The following TENM2 variants were observed in gnomAD, a reference collection of about 807,000 sequenced individuals.
TENM2 encodes teneurin-2.
In TENM2, 52 loss-of-function variants were observed where a neutral mutation model predicts 245.2. The observed-to-expected ratio is 0.21, with a 90% confidence interval of 0.17 to 0.27. The LOEUF is 0.27. Among genes scored for constraint, TENM2 ranks in the 10% least tolerant of loss-of-function variants. The pLI is 1.00. For missense variants in TENM2, 3,046 were observed against 3,666.8 expected, an observed-to-expected ratio of 0.83 and a Z score of 4.37; for synonymous variants, 1,363 against 1,438.9, an observed-to-expected ratio of 0.95 and a Z score of 1.19.
intron 7 of TENM2, among the ~76,000 whole-genome samples, chr5:168,074,082 T>C (rs914120687): frequency 6.6e-6 from 1 of 152,188 alleles, no homozygotes; most frequent in African/African-American, 2.4e-5. Flanking sequence ...GGGAATCCCA[T>C]TCTGAAACAG....
chr5:168,158,994 A>G (rs1420138127), intron 12 of TENM2, among the ~76,000 whole-genome samples: 1 of 149,782 alleles, frequency 6.7e-6, no homozygotes, highest in Non-Finnish European at 1.5e-5. Flanking sequence ...CACAAAAAAA[A>G]TCAGCTAGAT....
intron 12 of TENM2, among the ~76,000 whole-genome samples, chr5:168,148,454 G>A (rs370121980): frequency 6.6e-6 from 1 of 152,156 alleles, no homozygotes; most frequent in African/African-American, 2.4e-5. Context: ...CAGAACTACT[G>A]CAAAATTTGT....
intron 3 of TENM2, among the ~76,000 whole-genome samples, chr5:167,889,219 C>T (rs1013214800): frequency 2.6e-5 from 4 of 152,120 alleles, no homozygotes; most frequent in Admixed American, 1.3e-4. Context: ...CGACTTCCCA[C>T]CCCTCACCCT....
chr5:167,491,985 A>G (rs1378742174), intron 2 of TENM2, among the ~76,000 whole-genome samples: 1 of 152,188 alleles, frequency 6.6e-6, no homozygotes, highest in Non-Finnish European at 1.5e-5. Context: ...AAGGAGAGCA[A>G]TGGAAAGAGG....
In TENM2 at chr5:168,206,469, G is replaced by A. The variant is rs549933952; in HGVS notation, c.3824+1848G>A. On this transcript the variant is annotated intron_variant, in intron 19 of 28. Coordinates refer to ENST00000518659, the Ensembl canonical transcript of TENM2. ...AGAGGTGGCACCTGGGGAAGTCAGT[G>A]CAGTTCAAGCTGAGCTGAAGGGCCA... Among the ~76,000 whole-genome samples the A allele has an allele frequency of 6.6e-5, 10 of 152,338 alleles. No homozygotes were observed. The South Asian group carries it at 2.1e-3, about 32-fold the overall frequency.
intron 2 of TENM2, among the ~76,000 whole-genome samples, chr5:167,862,374 T>C (rs1771901564): frequency 6.6e-6 from 1 of 152,134 alleles, no homozygotes; most frequent in Non-Finnish European, 1.5e-5. Flanking sequence ...TCCGTGAGTA[T>C]CATGGAAACT....
chr5:167,632,903 G>C (rs1261893544), intron 2 of TENM2, among the ~76,000 whole-genome samples: 1 of 152,172 alleles, frequency 6.6e-6, no homozygotes, highest in Non-Finnish European at 1.5e-5. Flanking sequence ...TTGCTTTAAA[G>C]TGTGGTTTCT....
At chr5:167,096,226 A>G in the TENM2 span, among the ~76,000 whole-genome samples, 1 of 152,240 alleles carries the variant, frequency 6.6e-6, no homozygotes, top group Admixed American at 6.5e-5. Context: ...CTGATACTAC[A>G]TCTATCACCT....
At chr5:167,370,138 C>G (rs952595876) in intron 1 of TENM2, among the ~76,000 whole-genome samples, 3 of 151,996 alleles carry the variant, frequency 2.0e-5, no homozygotes, top group Admixed American at 6.5e-5. Context: ...GTCAGGAGAT[C>G]GAGACCATCC....
the TENM2 span, among the ~76,000 whole-genome samples, chr5:167,256,390 AG>A: frequency 4.6e-5 from 7 of 152,166 alleles, no homozygotes; most frequent in African/African-American, 1.4e-4. Flanking sequence ...GTGAATCCAA[AG>A]CAAAGGGGCA....
At chr5:167,315,949 AT>A (rs1288321684) in intron 1 of TENM2, among the ~76,000 whole-genome samples, 1 of 152,172 alleles carries the variant, frequency 6.6e-6, no homozygotes, top group Non-Finnish European at 1.5e-5. Context: ...GTCTATTTGC[AT>A]TTCACTGTTT....
intron 14 of TENM2, chr5:168,190,812 T>C: frequency 3.1e-6 from 1 of 326,728 alleles, no homozygotes; most frequent in East Asian, 5.5e-5. Context: ...GGTTTTTAGA[T>C]CATTTTTAAA....
At chr5:168,141,648 A>T (rs1031101627) in intron 12 of TENM2, among the ~76,000 whole-genome samples, 1 of 152,374 alleles carries the variant, frequency 6.6e-6, no homozygotes, top group African/African-American at 2.4e-5. Context: ...TTCCCAGTAG[A>T]TCAAAATCAA....
chr5:168,103,309 C>T lies in TENM2; in HGVS notation c.1813+5182C>T, dbSNP rs148244047. On this transcript the variant is annotated intron_variant, in intron 9 of 28. Coordinates refer to ENST00000518659, the Ensembl canonical transcript of TENM2. ...GCGCACCCAGCTTCCCCTATGTCCA[C>T]ATTTTAAATTTCCGTAACTCAAAGA... Among the ~76,000 whole-genome samples, 604 of 152,306 alleles carry T rather than the reference C, an allele frequency of 4.0e-3. 5 individuals are homozygous for T. The highest frequency in any genetic ancestry group is 0.014 in the African/African-American group (579 of 41,558).
chr5:167,920,904 T>C (rs1777319901), intron 3 of TENM2, among the ~76,000 whole-genome samples: 1 of 152,144 alleles, frequency 6.6e-6, no homozygotes, highest in African/African-American at 2.4e-5. Context: ...CATTCTAGGG[T>C]CCTCTGTCTA....
intron 2 of TENM2, among the ~76,000 whole-genome samples, chr5:167,658,369 C>T (rs2150313673): frequency 6.6e-6 from 1 of 152,114 alleles, no homozygotes; most frequent in Non-Finnish European, 1.5e-5. Flanking sequence ...CCACCGTGCC[C>T]AGCTAATTTT....
the TENM2 span, among the ~76,000 whole-genome samples, chr5:167,254,219 T>G: frequency 6.6e-6 from 1 of 151,802 alleles, no homozygotes; most frequent in African/African-American, 2.4e-5. Flanking sequence ...GGAGAAAAGG[T>G]GAAAAGAGAA....
At chr5:167,241,428 G>T in the TENM2 span, among the ~76,000 whole-genome samples, 1 of 152,278 alleles carries the variant, frequency 6.6e-6, no homozygotes, top group East Asian at 1.9e-4. Context: ...TAAATTGGGT[G>T]GATAAGCAAG....
At chr5:167,972,348 C>T (rs369721151) in intron 4 of TENM2, among the ~76,000 whole-genome samples, 1 of 152,128 alleles carries the variant, frequency 6.6e-6, no homozygotes, top group East Asian at 1.9e-4. Flanking sequence ...CTTTTTATCA[C>T]TTAATCAGAT....
Sources: gnomAD v4.1 joint callset for allele counts (sites outside exome capture counted in the v4.1 genomes callset) on GRCh38, gnomAD v4.1.1 for gene constraint, MANE v1.5 for transcripts, NCBI Gene and HGNC (gene_info 2026-07-23, HGNC 2026-07-21) for gene names.